The following XIRP2 variants were observed in gnomAD, a reference collection of about 807,000 sequenced individuals.
XIRP2 encodes xin actin binding repeat containing 2.
A neutral mutation model predicts 277.0 loss-of-function variants in XIRP2; 236 were observed. That is an observed-to-expected ratio of 0.85 (90% CI 0.77 to 0.95). XIRP2 has a LOEUF of 0.95. XIRP2 is among the 40% of genes least tolerant of loss of function. The pLI, the probability that XIRP2 is intolerant of heterozygous loss-of-function variation, is 0.00. For missense variants in XIRP2, 4,640 were observed against 4,157.5 expected, an observed-to-expected ratio of 1.12 and a Z score of -3.19; for synonymous variants, 1,490 against 1,416.5, an observed-to-expected ratio of 1.05 and a Z score of -1.17.
intron 2 of XIRP2, among the ~76,000 whole-genome samples, chr2:167,090,482 G>T (rs910120355): frequency 6.6e-6 from 1 of 151,976 alleles, no homozygotes; most frequent in African/African-American, 2.4e-5. Flanking sequence ...TATGCTTTCT[G>T]TTTTTATTTG....
Position 167,242,827 on chromosome 2 carries a change from C to T in XIRP2, c.1435C>T (p.Pro479Ser), listed in dbSNP as rs961173191. ...FSQSPELPSP[P>S]RRLPVPKDVY... ...CCAGTCCCCTGAACTGCCCAGTCCT[C>T]CTAGAAGACTACCAGTCCCCAAAGA... Residue 479 changes from proline (P) to serine (S), a missense_variant, in exon 9 of 11, where the codon CCT (proline) becomes TCT (serine). By Grantham distance (74) the Pro-to-Ser change is moderately conservative. Coordinates refer to ENST00000409195, the MANE Select transcript of XIRP2 (RefSeq NM_152381.6). 3.7e-6 allele frequency: 6 copies of T among 1,614,010 alleles called. No homozygotes were observed.
At chr2:167,158,729 T>A (rs1692276514) in intron 3 of XIRP2, among the ~76,000 whole-genome samples, 1 of 152,216 alleles carries the variant, frequency 6.6e-6, no homozygotes, top group African/African-American at 2.4e-5. Flanking sequence ...TTCAAATACA[T>A]ACATATGACA....
At chr2:167,220,379 A>G (rs1216511131) in intron 5 of XIRP2, among the ~76,000 whole-genome samples, 1 of 152,182 alleles carries the variant, frequency 6.6e-6, no homozygotes. Context: ...TTCCCTAAGT[A>G]TAAAGTCAAT....
Position 167,251,120 on chromosome 2 carries a change from A to T in XIRP2, c.9728A>T (p.Asn3243Ile). The change falls in exon 9 of 11, where the codon AAT (asparagine) becomes ATT (isoleucine). Residue 3243 changes from asparagine (N) to isoleucine (I), a missense_variant. Transcript: ENST00000409195. ...DSPPTITIPVNINHAASGSFR... is the reference protein window; with the variant it reads ...DSPPTITIPVIINHAASGSFR... ...CCACCTACAATCACAATACCAGTAA[A>T]TATAAATCATGCTGCTAGTGGTTCC... 2 of 1,613,516 alleles carry T rather than the reference A, an allele frequency of 1.2e-6. No individual in the cohort carries two copies. The highest frequency in any genetic ancestry group is 1.3e-5 in the African/African-American group (1 of 74,982).
intron 2 of XIRP2, among the ~76,000 whole-genome samples, chr2:166,914,748 G>A (rs999793160): frequency 6.6e-6 from 1 of 152,108 alleles, no homozygotes; most frequent in Non-Finnish European, 1.5e-5. Context: ...TTTAAAAATG[G>A]TTGGATAATA....
At chr2:167,239,795 A>T (rs1365898346) in intron 5 of XIRP2, 60 bp from the exon 6 acceptor site, 21 of 1,457,866 alleles carry the variant, frequency 1.4e-5, no homozygotes, top group African/African-American at 2.9e-5. Flanking sequence ...TTGCACAAAT[A>T]AAAAAAGTTA....
intron 3 of XIRP2, among the ~76,000 whole-genome samples, chr2:167,181,416 A>G (rs1693005179): frequency 6.6e-6 from 1 of 152,176 alleles, no homozygotes; most frequent in South Asian, 2.1e-4. Context: ...TTCTGTACGA[A>G]TTTCAGCATA....
In XIRP2 at chr2:167,243,562, G is replaced by A. The variant is rs1559037951; in HGVS notation, c.2170G>A (p.Glu724Lys). ...HLLQLRSELK[E>K]IKGNVKRSIK... The stretch of plus-strand genomic sequence containing the variant: ...ACTGCAGCTTAGGTCTGAGCTCAAA[G>A]AAATTAAGGGAAATGTTAAAAGAAG... Residue 724 changes from glutamate to lysine, a missense_variant, in exon 9 of 11, where the codon GAA (glutamate) becomes AAA (lysine). Transcript: ENST00000409195. 1.9e-6 allele frequency: 3 copies of A among 1,613,808 alleles called. No individual in the cohort carries two copies. The highest frequency in any genetic ancestry group is 2.5e-6 in the Non-Finnish European group (3 of 1,179,972).
chr2:167,165,121 T>A (rs73021964), intron 3 of XIRP2, among the ~76,000 whole-genome samples: 1 of 152,158 alleles, frequency 6.6e-6, no homozygotes, highest in Non-Finnish European at 1.5e-5. Flanking sequence ...CAGACTAGCT[T>A]CTTTCATTTA....
intron 2 of XIRP2, among the ~76,000 whole-genome samples, chr2:166,979,950 T>A (rs995266971): frequency 2.0e-5 from 3 of 152,190 alleles, no homozygotes; most frequent in Non-Finnish European, 4.4e-5. Flanking sequence ...ATTGAGATTA[T>A]GTAATCCTAA....
intron 4 of XIRP2, among the ~76,000 whole-genome samples, chr2:167,211,562 G>A (rs1274269569): frequency 1.3e-5 from 2 of 152,256 alleles, no homozygotes; most frequent in East Asian, 1.9e-4. Context: ...CACTTAACCT[G>A]TAGATATTCT....
At chr2:167,011,123 T>C (rs1387816828) in intron 2 of XIRP2, among the ~76,000 whole-genome samples, 1 of 149,396 alleles carries the variant, frequency 6.7e-6, no homozygotes. Context: ...ATAGGAGTGG[T>C]GAGAGAGGGC....
rs574963311 is a variant in XIRP2 at position 167,246,723 on chromosome 2, G to A, written c.5331G>A (p.Glu1777=). The change falls in exon 9 of 11, where the codon GAG becomes GAA. Residue 1777 remains glutamate, a synonymous_variant. Coordinates refer to ENST00000409195, the MANE Select transcript of XIRP2 (RefSeq NM_152381.6). The part of the protein sequence containing the change: ...ETLTAKKQEG[E]KEIIGGDVEG... ...TGACAGCTAAGAAACAAGAAGGAGA[G>A]AAAGAAATCATTGGTGGTGATGTTG... 1.2e-5 allele frequency: 20 copies of A among 1,613,682 alleles called. No individual in the cohort carries two copies. The South Asian group carries it at 1.9e-4, about 15-fold the overall frequency.
chr2:167,033,722 G>A (rs776027842), intron 2 of XIRP2, among the ~76,000 whole-genome samples: 10 of 151,922 alleles, frequency 6.6e-5, no homozygotes, highest in Non-Finnish European at 1.2e-4. Context: ...AGAGAGAATG[G>A]CATGACATAT....
intron 5 of XIRP2, among the ~76,000 whole-genome samples, chr2:167,229,649 A>G (rs1228543368): frequency 2.0e-5 from 3 of 152,076 alleles, no homozygotes; most frequent in Non-Finnish European, 4.4e-5. Context: ...GTCTTTGAAA[A>G]TGATTGGATT....
chr2:166,933,524 T>C (rs1269112330), intron 2 of XIRP2, among the ~76,000 whole-genome samples: 1 of 151,190 alleles, frequency 6.6e-6, no homozygotes, highest in Non-Finnish European at 1.5e-5. Flanking sequence ...AAAATGTCTC[T>C]AGCCAAGATC....
intron 2 of XIRP2, among the ~76,000 whole-genome samples, chr2:167,060,671 T>G (rs1361080191): frequency 6.6e-6 from 1 of 152,208 alleles, no homozygotes; most frequent in Non-Finnish European, 1.5e-5. Flanking sequence ...TTACTGGAAT[T>G]TATTGATCAT....
At chr2:167,093,544 A>T (rs1198768248) in intron 2 of XIRP2, among the ~76,000 whole-genome samples, 3 of 151,908 alleles carry the variant, frequency 2.0e-5, no homozygotes, top group Admixed American at 6.6e-5. Flanking sequence ...TTCAACTCCC[A>T]CTTAGGAGTG....
At chr2:167,159,268 C>T (rs546762316) in intron 3 of XIRP2, among the ~76,000 whole-genome samples, 6 of 152,188 alleles carry the variant, frequency 3.9e-5, no homozygotes, top group East Asian at 1.9e-4. Context: ...TGGAGTCCTC[C>T]GCCATCAAGC....
Sources: allele counts gnomAD v4.1 joint callset (sites outside exome capture counted in the v4.1 genomes callset), GRCh38; gene constraint gnomAD v4.1.1; transcripts MANE v1.5; gene names NCBI Gene and HGNC (gene_info 2026-07-23, HGNC 2026-07-21).